Variants in SGCD observed in about 807,000 individuals in gnomAD.
The protein encoded by SGCD is delta-sarcoglycan.
A neutral mutation model predicts 36.6 loss-of-function variants in SGCD; 18 were observed. The ratio of observed to expected loss-of-function variants is 0.49; its 90% CI spans 0.34 to 0.73. The LOEUF (loss-of-function observed/expected upper bound fraction) is 0.73. Among genes scored for constraint, SGCD ranks in the 30% least tolerant of loss-of-function variants. SGCD has a pLI of 0.01. For missense variants in SGCD, 387 were observed against 346.7 expected, an observed-to-expected ratio of 1.12 and a Z score of -0.92; for synonymous variants, 133 against 130.6, an observed-to-expected ratio of 1.02 and a Z score of -0.12.
chr5:156,621,708 A>T (rs1762256678), intron 6 of SGCD, among the ~76,000 whole-genome samples: 1 of 152,248 alleles, frequency 6.6e-6, no homozygotes, highest in South Asian at 2.1e-4. Context: ...TATTTTGAGC[A>T]TATACAAAGT....
At chr5:156,601,265 T>C (rs1003856174) in intron 6 of SGCD, among the ~76,000 whole-genome samples, 5 of 152,230 alleles carry the variant, frequency 3.3e-5, no homozygotes, top group African/African-American at 9.6e-5. Flanking sequence ...ATTGTAGTTT[T>C]GGGTTTTACA....
chr5:156,089,191 A>G (rs1046877038), intron 1 of SGCD, among the ~76,000 whole-genome samples: 2 of 152,194 alleles, frequency 1.3e-5, no homozygotes, highest in Non-Finnish European at 2.9e-5. Context: ...GGGGTCTGGA[A>G]TGGTCTCCCA....
rs546449365 is a variant in SGCD, at chr5:155,991,496, T to C, written c.-282+121072T>C. On this transcript the variant is annotated intron_variant, in intron 1 of 9. Transcript: ENST00000517913. ...ACAAATTGATGGCTGCCAAAAAGAA[T>C]TGCTATTTCACAGATATAACTCTAA... is the stretch of plus-strand genomic sequence containing the variant. Among the ~76,000 whole-genome samples the C allele has an allele frequency of 1.1e-4, 16 of 152,298 alleles. No individual in the cohort carries two copies. In the East Asian group the frequency reaches 2.9e-3, roughly 28 times the overall value.
intron 1 of SGCD, among the ~76,000 whole-genome samples, chr5:156,035,369 G>A (rs1414305252): frequency 6.6e-6 from 1 of 152,152 alleles, no homozygotes; most frequent in Non-Finnish European, 1.5e-5. Context: ...CACTTTGGAG[G>A]CTGTGGCGGG....
At chr5:155,944,441 C>T (rs965216082) in intron 1 of SGCD, among the ~76,000 whole-genome samples, 5 of 152,174 alleles carry the variant, frequency 3.3e-5, no homozygotes, top group Non-Finnish European at 5.9e-5. Flanking sequence ...TCAAATTGCA[C>T]TGTTCTCTAG....
At chr5:156,044,273 G>A (rs1759710613) in intron 1 of SGCD, among the ~76,000 whole-genome samples, 1 of 152,144 alleles carries the variant, frequency 6.6e-6, no homozygotes, top group Non-Finnish European at 1.5e-5. Context: ...CTCAACAAAG[G>A]CTGTTGAATG....
intron 3 of SGCD, among the ~76,000 whole-genome samples, chr5:156,162,758 C>T (rs1439310246): frequency 4.0e-5 from 6 of 151,706 alleles, no homozygotes; most frequent in African/African-American, 9.8e-5. Flanking sequence ...AAGCAATTCA[C>T]ATGCACATCA....
At chr5:156,670,841 G>A (rs1328761069) in intron 7 of SGCD, among the ~76,000 whole-genome samples, 1 of 152,104 alleles carries the variant, frequency 6.6e-6, no homozygotes, top group African/African-American at 2.4e-5. Flanking sequence ...TTCCTTGTTT[G>A]CTGTCCTTCA....
chr5:156,207,691 A>G (rs986582259), intron 3 of SGCD, among the ~76,000 whole-genome samples: 1 of 152,160 alleles, frequency 6.6e-6, no homozygotes, highest in Non-Finnish European at 1.5e-5. Context: ...TGATTGTTAT[A>G]TACCATAGAA....
chr5:156,045,540 C>T (rs966440909), intron 1 of SGCD, among the ~76,000 whole-genome samples: 12 of 152,142 alleles, frequency 7.9e-5, no homozygotes, highest in African/African-American at 2.9e-4. Context: ...TTCAGCCTGG[C>T]TGCCATCACA....
intron 1 of SGCD, among the ~76,000 whole-genome samples, chr5:156,069,673 A>T (rs1561704456): frequency 1.3e-5 from 2 of 151,566 alleles, no homozygotes; most frequent in Non-Finnish European, 2.9e-5. Context: ...AGTCATTGGT[A>T]GCTTGATGGG....
chr5:155,885,125 T>A lies in SGCD; in HGVS notation c.-282+14701T>A, dbSNP rs1755972554. Among the ~76,000 whole-genome samples, 6 of 117,060 alleles carry A rather than the reference T, an allele frequency of 5.1e-5. 2 individuals carry two copies. The South Asian group carries it at 1.5e-3, about 29-fold the overall frequency. The allele number at this position is 117,060 out of a possible 152,430, so 76.8% of individuals were successfully genotyped here. ...GGTGATCCACTCTTCGTGCTAGAGATCATCTATGGTCTATTTGGGTAGATG... is the reference window on the plus strand; with the variant it reads ...GGTGATCCACTCTTCGTGCTAGAGAACATCTATGGTCTATTTGGGTAGATG... On this transcript the variant is annotated intron_variant, in intron 1 of 9. Transcript: ENST00000517913.
At chr5:156,388,310 A>G (rs374309723) in intron 3 of SGCD, among the ~76,000 whole-genome samples, 3 of 152,176 alleles carry the variant, frequency 2.0e-5, no homozygotes, top group African/African-American at 7.2e-5. Flanking sequence ...TGTTTGTGCC[A>G]TAGACCCTGG....
At chr5:156,204,845 G>A (rs1764236665) in intron 3 of SGCD, among the ~76,000 whole-genome samples, 1 of 151,968 alleles carries the variant, frequency 6.6e-6, no homozygotes, top group South Asian at 2.1e-4. Context: ...AAGTGGCAGA[G>A]GCTTATAATT....
chr5:155,954,176 G>GAA (rs1206365802), intron 1 of SGCD, among the ~76,000 whole-genome samples: 2 of 152,086 alleles, frequency 1.3e-5, no homozygotes, highest in African/African-American at 4.8e-5. Flanking sequence ...ATTTGTAAAA[G>GAA]AAAACAAAGC....
intron 1 of SGCD, among the ~76,000 whole-genome samples, chr5:155,871,221 A>G (rs1477244773): frequency 6.6e-6 from 1 of 152,150 alleles, no homozygotes; most frequent in Admixed American, 6.6e-5. Flanking sequence ...TTACAGAATA[A>G]TAACATTTTT....
Position 156,472,375 on chromosome 5 carries a change from T to C in SGCD, c.193-36226T>C, listed in dbSNP as rs1755009596. On this transcript the variant is annotated intron_variant, in intron 3 of 8. Coordinates refer to ENST00000337851, the MANE Select transcript of SGCD (RefSeq NM_000337.6). The stretch of plus-strand genomic sequence containing the variant: ...TGGATACATTTTGGTATATTCCTAC[T>C]CACCAATAAAAAATAAAGAACTAAT... 2.0e-5 allele frequency among the ~76,000 whole-genome samples: 3 copies of C among 152,320 alleles called. No homozygotes were observed. The South Asian group carries it at 6.2e-4, about 32-fold the overall frequency.
At chr5:156,466,055 C>T (rs997711283) in intron 3 of SGCD, among the ~76,000 whole-genome samples, 3 of 152,300 alleles carry the variant, frequency 2.0e-5, no homozygotes, top group Admixed American at 1.3e-4. Context: ...TTCTGTGCAG[C>T]CTCCCAAGCT....
At chr5:156,320,857 A>G (rs944928493) in intron 3 of SGCD, among the ~76,000 whole-genome samples, 7 of 152,196 alleles carry the variant, frequency 4.6e-5, no homozygotes, top group Non-Finnish European at 7.3e-5. Flanking sequence ...TCAGTCAGAT[A>G]ATTTTGCCCT....
Sources: gnomAD v4.1 joint callset for allele counts (sites outside exome capture counted in the v4.1 genomes callset) on GRCh38, gnomAD v4.1.1 for gene constraint, MANE v1.5 for transcripts, NCBI Gene and HGNC (gene_info 2026-07-23, HGNC 2026-07-21) for gene names.